ZHX3: variants seen among roughly 807,000 people sequenced by gnomAD.
The protein encoded by ZHX3 is zinc fingers and homeoboxes protein 3.
Under a neutral mutation model 64.5 loss-of-function variants are expected in ZHX3, and 20 were observed. The observed-to-expected ratio is 0.31, with a 90% CI of 0.22 to 0.45. The LOEUF (loss-of-function observed/expected upper bound fraction) is 0.45, where lower values mean the gene tolerates loss of function less well. Among genes scored for constraint, ZHX3 ranks in the 20% least tolerant of loss-of-function variants. The probability of loss-of-function intolerance (pLI) is 1.00; values close to 1 mark genes in which losing one functional copy is unlikely to be tolerated. For missense variants in ZHX3, 1,041 were observed against 1,195.8 expected (o/e 0.87, Z 1.91); for synonymous variants, 423 against 461.6 (o/e 0.92, Z 1.07).
At position 41,204,634 on chromosome 20, in the gene ZHX3, G is replaced by A; in HGVS notation, c.283C>T (p.His95Tyr). 1 of 1,614,232 alleles carries A rather than the reference G, an allele frequency of 6.2e-7. No individual in the cohort carries two copies. The highest frequency in any genetic ancestry group is 8.5e-7 in the Non-Finnish European group (1 of 1,180,030). ...RSHDMTQFVGHMNSEHTDFNK... is the reference protein window; with the variant it reads ...RSHDMTQFVGYMNSEHTDFNK... ...AAGTCTGTGTGCTCTGAGTTCATATGTCCCACAAATTGGGTCATGTCATGG... is the reference window on the plus strand; with the variant it reads ...AAGTCTGTGTGCTCTGAGTTCATATATCCCACAAATTGGGTCATGTCATGG... The change falls in exon 3 of 4, where the codon CAT becomes TAT. Residue 95 changes from histidine (H) to tyrosine (Y), a missense_variant. Coordinates refer to ENST00000683867, the MANE Select transcript of ZHX3 (RefSeq NM_001384317.1). This position sits in a 1 kb window ranked among gnomAD's most constrained non-coding sequence, Gnocchi z 6.6.
intron 1 of ZHX3, among the ~76,000 whole-genome samples, chr20:41,300,921 C>T (rs1392419016): frequency 6.6e-6 from 1 of 152,158 alleles, no homozygotes; most frequent in Non-Finnish European, 1.5e-5. Flanking sequence ...AGGCAGAAGT[C>T]GCTCACAGTG....
At chr20:41,241,735 T>C (rs2041391994) in intron 2 of ZHX3, among the ~76,000 whole-genome samples, 1 of 152,228 alleles carries the variant, frequency 6.6e-6, no homozygotes, top group Non-Finnish European at 1.5e-5. Context: ...TCTGGGTTGT[T>C]TGTGGTTCCA....
intron 1 of ZHX3, among the ~76,000 whole-genome samples, chr20:41,280,108 A>G (rs555245707): frequency 6.6e-6 from 1 of 152,294 alleles, no homozygotes; most frequent in South Asian, 2.1e-4. Context: ...ACCCACCCAG[A>G]AGGCAGCTGA....
intron 2 of ZHX3, among the ~76,000 whole-genome samples, chr20:41,210,696 G>A (rs145130260): frequency 9.7e-4 from 147 of 152,272 alleles, no homozygotes; most frequent in African/African-American, 3.4e-3. Context: ...ACGGCCTGTC[G>A]TGGGGTGGGG....
chr20:41,313,324 G>GAA (rs1219736278), intron 1 of ZHX3, among the ~76,000 whole-genome samples: 1 of 152,162 alleles, frequency 6.6e-6, no homozygotes, highest in Non-Finnish European at 1.5e-5. Context: ...TGGAACCAGA[G>GAA]AAAGGGTGGG....
chr20:41,199,523 G>C (rs895753102), intron 3 of ZHX3, among the ~76,000 whole-genome samples: 6 of 151,064 alleles, frequency 4.0e-5, no homozygotes, highest in South Asian at 4.2e-4. Flanking sequence ...AGTGACCTAA[G>C]ATTTCCTTAA....
At chr20:41,269,984 T>C (rs1191113994) in intron 1 of ZHX3, among the ~76,000 whole-genome samples, 1 of 152,180 alleles carries the variant, frequency 6.6e-6, no homozygotes, top group Non-Finnish European at 1.5e-5. Flanking sequence ...CATCAGGGAT[T>C]GTTCTAAGAT....
intron 1 of ZHX3, among the ~76,000 whole-genome samples, chr20:41,316,164 T>C (rs764902640): frequency 2.0e-5 from 3 of 152,196 alleles, no homozygotes; most frequent in Non-Finnish European, 4.4e-5. Flanking sequence ...CAAAACCAAC[T>C]TGGTTAATAT....
chr20:41,249,339 G>C (rs1172543138), intron 2 of ZHX3, among the ~76,000 whole-genome samples: 1 of 152,036 alleles, frequency 6.6e-6, no homozygotes, highest in Non-Finnish European at 1.5e-5. Context: ...AAACAACATT[G>C]ACCAAAAGGA....
intron 2 of ZHX3, among the ~76,000 whole-genome samples, chr20:41,257,928 G>A (rs1449996890): frequency 2.3e-5 from 3 of 132,560 alleles, no homozygotes; most frequent in South Asian, 2.4e-4. Context: ...TTTTTGAGAC[G>A]GAGTTTTGCT....
At chr20:41,305,985 A>T (rs1375452404) in intron 1 of ZHX3, among the ~76,000 whole-genome samples, 2 of 152,092 alleles carry the variant, frequency 1.3e-5, no homozygotes, top group Non-Finnish European at 2.9e-5. Context: ...TTATATATCC[A>T]TTGTTGTAAT....
At position 41,180,414 on chromosome 20, in the gene ZHX3, C is replaced by T. The variant is rs771187127; in HGVS notation, c.*4777G>A. ...GTCTGCCTAGTCTCATCCCCAGCCT[C>T]TGGGTTCCCTCCCCTGCTCTAGACT... On this transcript the variant is annotated 3_prime_UTR_variant, in exon 4 of 4. Transcript: ENST00000683867. 1 of 152,348 alleles carries T rather than the reference C, an allele frequency of 6.6e-6. No homozygotes were observed. Among genetic ancestry groups the T allele is most frequent in the Non-Finnish European group, 1.5e-5 (1 of 68,112 alleles). 9.4% of individuals were successfully genotyped at this position (152,348 alleles called of 1,614,324 possible).
intron 2 of ZHX3, among the ~76,000 whole-genome samples, chr20:41,240,242 C>G (rs1600472207): frequency 6.6e-6 from 1 of 152,150 alleles, no homozygotes; most frequent in East Asian, 1.9e-4. Flanking sequence ...TACATGGATC[C>G]TCCAGAAGGC....
chr20:41,238,100 A>G (rs2146430140), intron 2 of ZHX3, among the ~76,000 whole-genome samples: 1 of 152,336 alleles, frequency 6.6e-6, no homozygotes, highest in South Asian at 2.1e-4. Context: ...CTTGCTTACT[A>G]CCAAAAACCG....
chr20:41,218,586 G>A (rs1249753357), intron 2 of ZHX3, among the ~76,000 whole-genome samples: 1 of 152,152 alleles, frequency 6.6e-6, no homozygotes, highest in African/African-American at 2.4e-5. Flanking sequence ...CTTTTAACAT[G>A]AGGCTTGGTG....
rs2038573858 is a variant in ZHX3 at position 41,204,854 on chromosome 20, T to C, written c.63A>G (p.Gln21=). The part of the protein sequence containing the change: ...CMIPVKTVVL[Q]DASMEAQPAE... ...CGGGCTGGGCCTCCATGCTGGCATC[T>C]TGCAACACCACAGTCTTCACTGGGA... The change falls in exon 3 of 4, where the codon CAA becomes CAG. Residue 21 remains glutamine, a synonymous_variant. Transcript: ENST00000683867. This position sits in a 1 kb window ranked among gnomAD's most constrained non-coding sequence, Gnocchi z 6.6. 2 of 1,588,030 alleles carry C rather than the reference T, an allele frequency of 1.3e-6. No individual in the cohort carries two copies. The highest frequency in any genetic ancestry group is 1.7e-4 in the Middle Eastern group (1 of 5,896).
Position 41,181,997 on chromosome 20 carries a change from C to T in ZHX3, c.*3194G>A, listed in dbSNP as rs554978492. Reference sequence around the variant, plus strand: ...GCCCTGGCAAGCCATCCAACTAGGGCGTTCTTTTTCAGGAACCCAAGATTC... The same window carrying T: ...GCCCTGGCAAGCCATCCAACTAGGGTGTTCTTTTTCAGGAACCCAAGATTC... On this transcript the variant is annotated 3_prime_UTR_variant, in exon 4 of 4. Transcript: ENST00000683867. The T allele has an allele frequency of 2.0e-5, 3 of 152,300 alleles. No homozygotes were observed. Among genetic ancestry groups the T allele is most frequent in the Admixed American group, 1.3e-4 (2 of 15,298 alleles). 9.4% of individuals were successfully genotyped at this position (152,300 alleles called of 1,614,324 possible).
At chr20:41,262,735 C>G (rs1327584679) in intron 2 of ZHX3, among the ~76,000 whole-genome samples, 1 of 151,938 alleles carries the variant, frequency 6.6e-6, no homozygotes, top group African/African-American at 2.4e-5. Flanking sequence ...TGTTAACTAA[C>G]TGAATCAAAA....
chr20:41,267,048 T>C (rs753403256), intron 2 of ZHX3, among the ~76,000 whole-genome samples: 45 of 151,486 alleles, frequency 3.0e-4, no homozygotes, highest in Non-Finnish European at 4.3e-4. Context: ...GGTTTCACCA[T>C]ATTGGCCAGG....
Sources: gnomAD v4.1 joint callset for allele counts (sites outside exome capture counted in the v4.1 genomes callset) on GRCh38, gnomAD v4.1.1 for gene constraint, Gnocchi (gnomAD v3.1) non-coding constraint, MANE v1.5 for transcripts, NCBI Gene and HGNC (gene_info 2026-07-23, HGNC 2026-07-21) for gene names.